The following DNASE1 variants were observed in gnomAD, a reference collection of about 807,000 sequenced individuals.
The protein encoded by DNASE1 is deoxyribonuclease 1.
A neutral mutation model predicts 33.9 loss-of-function variants in DNASE1; 40 were observed. That is an observed-to-expected ratio of 1.18 (90% confidence interval 0.92 to 1.54). The LOEUF (loss-of-function observed/expected upper bound fraction) is 1.54, where lower values mean the gene tolerates loss of function less well. Ranked by LOEUF, DNASE1 falls within the 40% of genes most tolerant of loss-of-function variation. The pLI is 0.00. For missense variants in DNASE1, 518 were observed against 372.6 expected, an observed-to-expected ratio of 1.39 and a Z score of -3.21; for synonymous variants, 216 against 160.0, an observed-to-expected ratio of 1.35 and a Z score of -2.64.
At chr16:3,664,489 T>C (rs376729263) in exon 10 of DNASE1, 14 of 1,586,888 alleles carry the variant, frequency 8.8e-6, no homozygotes, top group South Asian at 1.1e-5. Context: ...TCACCACTTA[T>C]TCCAGGCCCA....
intron 1 of DNASE1, among the ~76,000 whole-genome samples, chr16:3,637,760 G>A (rs868547177): frequency 6.6e-6 from 1 of 152,118 alleles, no homozygotes; most frequent in Non-Finnish European, 1.5e-5. Context: ...TGAGAGTCTG[G>A]TAGGGCTCAT....
chr16:3,663,016 C>CATGGAAGCCGGGGAGTT, downstream of DNASE1: 1 of 1,476,062 alleles, frequency 6.8e-7, no homozygotes, highest in Non-Finnish European at 9.2e-7. Flanking sequence ...CCCAACTCCC[C>CATGGAAGCCGGGGAGTT]GGCTTCCATG....
rs375627884 is a variant in DNASE1 at position 3,656,987 on chromosome 16, C to A, written c.437-12C>A. The A allele has an allele frequency of 2.5e-6, 4 of 1,612,756 alleles. No individual in the cohort carries two copies. The African/African-American group carries it at 5.3e-5, about 22-fold the overall frequency. On this transcript the variant is annotated splice_polypyrimidine_tract_variant and intron_variant, in intron 5 of 8. Transcript: ENST00000246949. Reference sequence around the variant, plus strand: ...AGGGAGTGTGCCTCACACGACGTGGCTGTCTCCACAGAGGTCAGGGAGTTT... The same window carrying A: ...AGGGAGTGTGCCTCACACGACGTGGATGTCTCCACAGAGGTCAGGGAGTTT...
In DNASE1 at chr16:3,655,646, C is replaced by T. The variant is rs2074799; in HGVS notation, c.147+126C>T. 12,300 of 1,489,014 alleles carry T rather than the reference C, an allele frequency of 8.3e-3. 887 individuals are homozygous for T. The Admixed American group carries it at 0.16, about 19-fold the overall frequency. The allele number at this position is 1,489,014 out of a possible 1,614,324, so 92.2% of individuals were successfully genotyped here. ...GTACTGAGCACCACTGCTCCCAGCA[C>T]GGTGGAACAGGCTCTTGGCTGTGGA... On this transcript the variant is annotated intron_variant, in intron 2 of 8. Coordinates refer to ENST00000246949, the MANE Select transcript of DNASE1 (RefSeq NM_005223.4).
At chr16:3,622,716 A>G (rs1023278750) in intron 1 of DNASE1, among the ~76,000 whole-genome samples, 23 of 152,136 alleles carry the variant, frequency 1.5e-4, no homozygotes, top group Non-Finnish European at 2.6e-4. Flanking sequence ...CCTCCCACGT[A>G]GCTGGGACTA....
intron 1 of DNASE1, among the ~76,000 whole-genome samples, chr16:3,637,230 C>G (rs2041896108): frequency 1.3e-5 from 2 of 152,168 alleles, no homozygotes; most frequent in African/African-American, 2.4e-5. Context: ...TTTGCTGTAA[C>G]TATAGGTGTC....
Position 3,663,655 on chromosome 16 carries a change from A to G in DNASE1, c.*5702A>G, listed in dbSNP as rs2050746467. On this transcript the variant is annotated 3_prime_UTR_variant, in exon 10 of 10. Transcript: ENST00000407479. ...GGGCGGCAGGAGGGCTGGGGGAGCC[A>G]AGCGGGCCACACTGGGGAACACCGG... is the stretch of plus-strand genomic sequence containing the variant. The G allele has an allele frequency of 1.9e-6, 3 of 1,542,586 alleles. No individual in the cohort carries two copies. In the East Asian group the frequency reaches 6.8e-5, roughly 35 times the overall value.
At chr16:3,661,914 C>T (rs761169995), downstream of DNASE1, 23 of 1,495,798 alleles carry the variant, frequency 1.5e-5, no homozygotes, top group Non-Finnish European at 1.9e-5. Flanking sequence ...TGTCACATTC[C>T]ACAACAAAAG....
intron 1 of DNASE1, among the ~76,000 whole-genome samples, chr16:3,635,282 A>T (rs2151183426): frequency 6.6e-6 from 1 of 151,948 alleles, no homozygotes; most frequent in South Asian, 2.1e-4. Context: ...ACATGGTGAA[A>T]CCCCATCTCT....
chr16:3,615,219 G>A (rs1458866455), intron 1 of DNASE1, among the ~76,000 whole-genome samples: 4 of 152,172 alleles, frequency 2.6e-5, no homozygotes, highest in Non-Finnish European at 5.9e-5. Flanking sequence ...AACAAACACT[G>A]TAGGCTAAGT....
downstream of DNASE1, chr16:3,660,302 T>C (rs1175634826): frequency 6.6e-6 from 1 of 152,238 alleles, no homozygotes; most frequent in East Asian, 1.9e-4. Flanking sequence ...CAGTTTTGAA[T>C]TCTGAACTAT....
At chr16:3,636,147 G>A (rs2041861559) in intron 1 of DNASE1, among the ~76,000 whole-genome samples, 1 of 151,374 alleles carries the variant, frequency 6.6e-6, no homozygotes, top group Admixed American at 6.6e-5. Flanking sequence ...CTGAGTTTCA[G>A]TTTGGGAAGT....
chr16:3,648,259 GC>G (rs1296464045), intron 1 of DNASE1, among the ~76,000 whole-genome samples: 1 of 151,416 alleles, frequency 6.6e-6, no homozygotes, highest in Non-Finnish European at 1.5e-5. Context: ...CTACAATTGT[GC>G]CTGTGAAAAG....
At chr16:3,653,749 G>C (rs1320078308), upstream of DNASE1, 2 of 134,696 alleles carry the variant, frequency 1.5e-5, no homozygotes, top group Non-Finnish European at 3.1e-5. Context: ...AGAGGTTGCA[G>C]TGAGCCGAGA....
chr16:3,664,066 AAAACAAAAAAC>A, exon 10 of DNASE1: 1 of 555,904 alleles, frequency 1.8e-6, no homozygotes, highest in South Asian at 2.8e-5. Flanking sequence ...CCATCTCAAA[AAAACAAAAAAC>A]AAACAAAAAA....
intron 1 of DNASE1, among the ~76,000 whole-genome samples, chr16:3,616,632 T>TTAAA (rs931160660): frequency 2.3e-5 from 3 of 130,638 alleles, no homozygotes; most frequent in South Asian, 2.3e-4. Context: ...AATAAATAAA[T>TTAAA]TAAATAAATA....
upstream of DNASE1, chr16:3,641,000 C>T (rs1434221151): frequency 7.5e-6 from 3 of 398,540 alleles, no homozygotes; most frequent in Admixed American, 4.4e-5. Context: ...CAGGGCCACT[C>T]GGATGTGGTC....
At chr16:3,617,017 G>A (rs1353792937) in intron 1 of DNASE1, among the ~76,000 whole-genome samples, 3 of 152,058 alleles carry the variant, frequency 2.0e-5, no homozygotes, top group African/African-American at 7.2e-5. Flanking sequence ...AAGACCCAAT[G>A]GAAGAGTGAA....
At chr16:3,639,749 C>T (rs2041977845), upstream of DNASE1, among the ~76,000 whole-genome samples, 1 of 152,158 alleles carries the variant, frequency 6.6e-6, no homozygotes, top group East Asian at 1.9e-4. Flanking sequence ...AAATTGGATG[C>T]TGAATATTGT....
Sources: allele counts gnomAD v4.1 joint callset (sites outside exome capture counted in the v4.1 genomes callset), GRCh38; gene constraint gnomAD v4.1.1; transcripts MANE v1.5; gene names NCBI Gene and HGNC (gene_info 2026-07-23, HGNC 2026-07-21).